The following HAUS1 variants were observed in gnomAD, a reference collection of about 807,000 sequenced individuals.
HAUS1 encodes the protein HAUS augmin like complex subunit 1.
A neutral mutation model predicts 38.6 loss-of-function variants in HAUS1; 25 were observed. That is an observed-to-expected ratio of 0.65 (90% CI 0.47 to 0.91). The LOEUF is 0.91. Among genes scored for constraint, HAUS1 ranks in the 40% least tolerant of loss-of-function variants. HAUS1 has a pLI of 0.00. For missense variants in HAUS1, 325 were observed against 328.4 expected (o/e 0.99, Z 0.08); for synonymous variants, 109 against 112.9 (o/e 0.97, Z 0.22).
chr18:46,115,976 C>T (rs1158486776), intron 2 of HAUS1, among the ~76,000 whole-genome samples: 1 of 151,812 alleles, frequency 6.6e-6, no homozygotes, highest in African/African-American at 2.4e-5. Context: ...TGTGGTGGCA[C>T]ATGCCTGTAA....
chr18:46,110,349 T>G (rs1174400250), intron 2 of HAUS1, among the ~76,000 whole-genome samples: 1 of 133,924 alleles, frequency 7.5e-6, no homozygotes, highest in East Asian at 2.0e-4. Context: ...TTTTTTTTTT[T>G]TTTTTTTTTT....
chr18:46,112,241 A>T (rs1599809413), intron 2 of HAUS1, among the ~76,000 whole-genome samples: 1 of 139,080 alleles, frequency 7.2e-6, no homozygotes, highest in South Asian at 2.2e-4. Flanking sequence ...TATATATAAT[A>T]TATATATAAT....
intron 2 of HAUS1, among the ~76,000 whole-genome samples, chr18:46,113,728 G>T (rs940401970): frequency 3.3e-5 from 5 of 151,762 alleles, no homozygotes; most frequent in Admixed American, 2.0e-4. Flanking sequence ...CCTCTTTTTT[G>T]TTGTTGTTGT....
intron 2 of HAUS1, chr18:46,109,726 A>G (rs532877790): frequency 4.6e-5 from 7 of 151,986 alleles, no homozygotes; most frequent in Admixed American, 1.3e-4. Flanking sequence ...GGTTCAAGCA[A>G]TTCTCCTGAC....
chr18:46,121,020 T>C (rs901750011), intron 4 of HAUS1, among the ~76,000 whole-genome samples: 1 of 152,374 alleles, frequency 6.6e-6, no homozygotes, highest in Admixed American at 6.5e-5. Flanking sequence ...TTATGATACT[T>C]TAGGCCTTTT....
chr18:46,117,880 A>C (rs756057944), intron 2 of HAUS1, among the ~76,000 whole-genome samples: 1 of 152,032 alleles, frequency 6.6e-6, no homozygotes, highest in Non-Finnish European at 1.5e-5. Context: ...CGGGGGGTGG[A>C]GGTTGCAGTG....
At chr18:46,116,955 G>A (rs528971140) in intron 2 of HAUS1, among the ~76,000 whole-genome samples, 1 of 130,774 alleles carries the variant, frequency 7.6e-6, no homozygotes, top group Admixed American at 7.5e-5. Context: ...CTGGATGACA[G>A]AGTGAGACCC....
At chr18:46,114,530 A>C (rs1911752474) in intron 2 of HAUS1, among the ~76,000 whole-genome samples, 1 of 152,156 alleles carries the variant, frequency 6.6e-6, no homozygotes, top group African/African-American at 2.4e-5. Context: ...AGCCGGAGCA[A>C]GGGCCATTGG....
intron 2 of HAUS1, chr18:46,106,569 C>G (rs911893204): frequency 2.0e-5 from 3 of 151,930 alleles, no homozygotes; most frequent in African/African-American, 7.3e-5. Context: ...TTTTTAGATA[C>G]GAGAATACAC....
intron 7 of HAUS1, among the ~76,000 whole-genome samples, chr18:46,125,317 G>A (rs1042698777): frequency 5.9e-5 from 9 of 151,732 alleles, no homozygotes; most frequent in Non-Finnish European, 1.2e-4. Flanking sequence ...TTGGGAGGCC[G>A]AGACGGGCAG....
chr18:46,105,230 C>T lies in HAUS1; in HGVS notation c.67C>T (p.Pro23Ser). ...AWLKKIFGDH[P>S]IPQYEVNPRT... ...GTTAAAAAAAATATTTGGAGATCAT[C>T]CTATTCCACAGTATGAGGTGAACCC... The change falls in exon 2 of 9, where the codon CCT becomes TCT. Residue 23 changes from proline to serine, a missense_variant. Physicochemically the swap from Pro to Ser is moderately conservative, Grantham distance 74 (BLOSUM62 -1). Transcript: ENST00000282058. 1 of 1,611,786 alleles carries T rather than the reference C, an allele frequency of 6.2e-7. No individual in the cohort carries two copies. The highest frequency in any genetic ancestry group is 1.3e-5 in the African/African-American group (1 of 74,950).
Position 46,118,292 on chromosome 18 carries a change from A to C in HAUS1, c.317A>C (p.Glu106Ala), listed in dbSNP as rs780184196. Reference sequence around the variant, plus strand: ...TTGGTTGACAGTGCGGTGGCCCTTGAAACAAAGGATACCTCGCTAGCTAGG... The same window carrying C: ...TTGGTTGACAGTGCGGTGGCCCTTGCAACAAAGGATACCTCGCTAGCTAGG... Reference protein sequence around the residue: ...NALVDSAVALETKDTSLASFI... With the variant: ...NALVDSAVALATKDTSLASFI... The change falls in exon 3 of 9, where the codon GAA becomes GCA. Residue 106 changes from glutamate (E) to alanine (A), a missense_variant. Glu to Ala is a moderately radical substitution (Grantham distance 107, BLOSUM62 -1). Coordinates refer to ENST00000282058, the MANE Select transcript of HAUS1 (RefSeq NM_138443.4). The C allele has an allele frequency of 6.8e-6, 11 of 1,613,452 alleles. No individual in the cohort carries two copies. The highest frequency in any genetic ancestry group is 8.5e-7 in the Non-Finnish European group (1 of 1,180,008).
At chr18:46,113,749 A>T (rs1038233893) in intron 2 of HAUS1, among the ~76,000 whole-genome samples, 1 of 152,016 alleles carries the variant, frequency 6.6e-6, no homozygotes, top group Non-Finnish European at 1.5e-5. Flanking sequence ...TGTTGCTGGA[A>T]ACTGGACATT....
chr18:46,119,605 A>G (rs1911883849), intron 3 of HAUS1, among the ~76,000 whole-genome samples: 1 of 152,154 alleles, frequency 6.6e-6, no homozygotes, highest in Admixed American at 6.6e-5. Context: ...CAAATAAGGG[A>G]GATAGAAATG....
intron 2 of HAUS1, among the ~76,000 whole-genome samples, chr18:46,105,999 G>A (rs1018476444): frequency 1.1e-4 from 16 of 152,280 alleles, no homozygotes; most frequent in Admixed American, 8.5e-4. Context: ...AAGATGCCTT[G>A]TGGTTTTTTA....
intron 2 of HAUS1, among the ~76,000 whole-genome samples, chr18:46,116,871 A>G (rs1255199683): frequency 2.6e-5 from 4 of 152,020 alleles, no homozygotes; most frequent in African/African-American, 9.7e-5. Flanking sequence ...AAAATTAGCC[A>G]GGTATAGTGG....
rs138527062 is a variant in HAUS1, at chr18:46,107,018, CAAA to C, written c.205+1657_205+1659del. The stretch of plus-strand genomic sequence containing the variant: ...CAACAGAGTGAGACTCTCTCAACAA[CAAA>C]AAAAAATTAATTAATTAATTAATTA... On this transcript the variant is annotated intron_variant, in intron 2 of 8. Transcript: ENST00000282058. Among the ~76,000 whole-genome samples, 3 of 149,990 alleles carry C rather than the reference CAAA, an allele frequency of 2.0e-5. No individual in the cohort carries two copies. The East Asian group carries it at 5.9e-4, about 29-fold the overall frequency.
chr18:46,105,155 A>G, intron 1 of HAUS1, 39 bp from the exon 2 acceptor site: 1 of 1,484,110 alleles, frequency 6.7e-7, no homozygotes, highest in Non-Finnish European at 9.3e-7. Context: ...CATTACAGTA[A>G]ACAAGGCTTA....
intron 4 of HAUS1, among the ~76,000 whole-genome samples, chr18:46,120,300 T>G (rs1911901539): frequency 6.6e-6 from 1 of 151,734 alleles, no homozygotes; most frequent in East Asian, 1.9e-4. Context: ...AGTGGCACGA[T>G]CTCAGCTCAC....
Sources: gnomAD v4.1 joint callset for allele counts (sites outside exome capture counted in the v4.1 genomes callset) on GRCh38, gnomAD v4.1.1 for gene constraint, MANE v1.5 for transcripts, NCBI Gene and HGNC (gene_info 2026-07-23, HGNC 2026-07-21) for gene names.